Variants in RBM7 observed in about 807,000 individuals in gnomAD.
The protein encoded by RBM7 is RNA-binding protein 7.
In RBM7, 13 loss-of-function variants were observed where a neutral mutation model predicts 31.0. That is an observed-to-expected ratio of 0.42 (90% confidence interval 0.27 to 0.67). The LOEUF (loss-of-function observed/expected upper bound fraction) is 0.67. RBM7 is among the 30% of genes least tolerant of loss of function. The pLI is 0.24. For synonymous variants in RBM7, 106 were observed against 111.2 expected (o/e 0.95, Z 0.30); for missense variants, 245 against 326.2 (o/e 0.75, Z 1.92).
chr11:114,404,819 G>C (rs3863297), intron 3 of RBM7, among the ~76,000 whole-genome samples: 58,046 of 151,894 alleles, frequency 0.38, 11,384 homozygotes, highest in South Asian at 0.51. Context: ...TTGAAAAAAC[G>C]CAAAATTAAA....
chr11:114,400,821 T>C (rs1946188880), intron 1 of RBM7, 54 bp downstream of exon 1: 1 of 1,595,190 alleles, frequency 6.3e-7, no homozygotes, highest in Middle Eastern at 1.7e-4. Context: ...GCCTAGGGCC[T>C]GGCCAGCGGC....
Position 114,405,693 on chromosome 11 carries a change from G to A in RBM7, c.348-13G>A, listed in dbSNP as rs1209670070. On this transcript the variant is annotated splice_polypyrimidine_tract_variant and intron_variant, in intron 3 of 4. Coordinates refer to ENST00000375490, the MANE Select transcript of RBM7 (RefSeq NM_001286045.2). The stretch of plus-strand genomic sequence containing the variant: ...TTATTGAATGAATGGTTACATGTTG[G>A]TTTTCTTTTTAGCAGGTACGAAAGG... 12 of 1,534,372 alleles carry A rather than the reference G, an allele frequency of 7.8e-6. No individual in the cohort carries two copies. Among genetic ancestry groups the A allele is most frequent in the Non-Finnish European group, 1.1e-5 (12 of 1,130,594 alleles).
chr11:114,407,050 GT>G (rs1946274798), intron 4 of RBM7: 1 of 160,906 alleles, frequency 6.2e-6, no homozygotes, highest in Non-Finnish European at 1.4e-5. Flanking sequence ...TGTTATTTTT[GT>G]TTGTGCAATT....
chr11:114,402,173 C>T, intron 2 of RBM7: 1 of 230,786 alleles, frequency 4.3e-6, no homozygotes, highest in Non-Finnish European at 8.3e-6. Flanking sequence ...CTTCTCCTGG[C>T]TGCTTTGTAA....
Position 114,400,683 on chromosome 11 carries a change from G to T in RBM7, c.12G>T (p.Ala4=). The part of the protein sequence containing the change: MGA[A]AAEADRTLFV... ...GGGGCGACGCTGAGATGGGGGCGGC[G>T]GCGGCGGAAGCGGATCGCACTCTCT... is the stretch of plus-strand genomic sequence containing the variant. The change falls in exon 1 of 5, where the codon GCG becomes GCT. Residue 4 remains alanine (A), a synonymous_variant. Coordinates refer to ENST00000375490, the MANE Select transcript of RBM7 (RefSeq NM_001286045.2). 1.9e-6 allele frequency: 3 copies of T among 1,614,220 alleles called. No individual in the cohort carries two copies. Among genetic ancestry groups the T allele is most frequent in the Non-Finnish European group, 2.5e-6 (3 of 1,180,036 alleles).
chr11:114,407,405 A>T, intron 4 of RBM7, 40 bp from the exon 5 acceptor site: 1 of 1,564,476 alleles, frequency 6.4e-7, no homozygotes, highest in Non-Finnish European at 8.7e-7. Context: ...TAGCTTTGAT[A>T]TCTAGAAGTA....
rs1166554422 is a variant in RBM7, at chr11:114,410,080, T to A, written c.*2273T>A. Reference sequence around the variant, plus strand: ...CTGTATTGGCACTCAAAAAGTTTCATATTTTGGAGCATTTCAGATTTCAGA... The same window carrying A: ...CTGTATTGGCACTCAAAAAGTTTCAAATTTTGGAGCATTTCAGATTTCAGA... On this transcript the variant is annotated 3_prime_UTR_variant, in exon 5 of 5. Coordinates refer to ENST00000375490, the MANE Select transcript of RBM7 (RefSeq NM_001286045.2). 6.6e-6 allele frequency: 1 copy of A among 152,218 alleles called. No individual in the cohort carries two copies. The highest frequency in any genetic ancestry group is 2.4e-5 in the African/African-American group (1 of 41,454). 9.4% of individuals were successfully genotyped at this position (152,218 alleles called of 1,614,324 possible).
In RBM7 at chr11:114,407,553, C is replaced by T; in HGVS notation, c.550C>T (p.Gln184Ter). The T allele has an allele frequency of 1.2e-6, 2 of 1,614,190 alleles. No homozygotes were observed. Among genetic ancestry groups the T allele is most frequent in the Non-Finnish European group, 1.7e-6 (2 of 1,180,036 alleles). ...TCAATCACACAGTCATAGTTTCAAT[C>T]AGTCTTCAAGCTCCCAGTGGCGCCA... Reference protein sequence around the residue: ...SVQSHSHSFNQSSSSQWRQGT... With the variant: ...SVQSHSHSFN The change falls in exon 5 of 5, where the codon CAG becomes TAG. Residue 184 changes from glutamine (Q) to a stop codon, truncating the protein, a stop_gained. Coordinates refer to ENST00000375490, the MANE Select transcript of RBM7 (RefSeq NM_001286045.2). LOFTEE classifies it high-confidence loss of function.
chr11:114,408,006 A>G lies in RBM7; in HGVS notation c.*199A>G. 1 of 510,960 alleles carries G rather than the reference A, an allele frequency of 2.0e-6. No individual in the cohort carries two copies. Among genetic ancestry groups the G allele is most frequent in the Non-Finnish European group, 3.2e-6 (1 of 315,658 alleles). 31.7% of individuals were successfully genotyped at this position (510,960 alleles called of 1,614,324 possible). On this transcript the variant is annotated 3_prime_UTR_variant, in exon 5 of 5. Transcript: ENST00000375490. Reference sequence around the variant, plus strand: ...TAATAACCTTTCACCTCAGGGTTTTATGAAGAGGAAAGGGTTTTATGCAAA... The same window carrying G: ...TAATAACCTTTCACCTCAGGGTTTTGTGAAGAGGAAAGGGTTTTATGCAAA...
chr11:114,404,538 A>G (rs1264843193), intron 3 of RBM7, among the ~76,000 whole-genome samples: 2 of 152,184 alleles, frequency 1.3e-5, no homozygotes, highest in African/African-American at 4.8e-5. Flanking sequence ...TCCCTCTTAG[A>G]ATTTCTTGGG....
At chr11:114,403,791 C>T (rs1476789721) in intron 3 of RBM7, among the ~76,000 whole-genome samples, 3 of 152,128 alleles carry the variant, frequency 2.0e-5, no homozygotes, top group Non-Finnish European at 4.4e-5. Flanking sequence ...GATTCAAACC[C>T]AGGCAGTGTA....
rs937475586 is a variant in RBM7, at chr11:114,409,054, G to A, written c.*1247G>A. The A allele has an allele frequency of 4.0e-5, 6 of 151,708 alleles. No individual in the cohort carries two copies. Among genetic ancestry groups the A allele is most frequent in the African/African-American group, 1.5e-4 (6 of 41,254 alleles). The allele number at this position is 151,708 out of a possible 1,614,324, so 9.4% of individuals were successfully genotyped here. On this transcript the variant is annotated 3_prime_UTR_variant, in exon 5 of 5. Transcript: ENST00000375490. Reference sequence around the variant, plus strand: ...TTGAGCATCCTGAAATACATCTTTTGTACATATAGAGCATGATGTTTCACA... The same window carrying A: ...TTGAGCATCCTGAAATACATCTTTTATACATATAGAGCATGATGTTTCACA...
chr11:114,407,526 G>A lies in RBM7; in HGVS notation c.523G>A (p.Val175Ile), dbSNP rs1188042796. 3.1e-6 allele frequency: 5 copies of A among 1,614,082 alleles called. No individual in the cohort carries two copies. Among genetic ancestry groups the A allele is most frequent in the Non-Finnish European group, 4.2e-6 (5 of 1,180,036 alleles). Reference protein sequence around the residue: ...PLDQSGFSPSVQSHSHSFNQS... With the variant: ...PLDQSGFSPSIQSHSHSFNQS... ...GGATCAATCAGGATTTTCACCATCA[G>A]TTCAATCACACAGTCATAGTTTCAA... Residue 175 changes from valine to isoleucine, a missense_variant, in exon 5 of 5, where the codon GTT (valine) becomes ATT (isoleucine). Physicochemically the swap from Val to Ile is conservative, Grantham distance 29. Transcript: ENST00000375490.
Position 114,402,041 on chromosome 11 carries a change from A to T in RBM7, c.259+181A>T, listed in dbSNP as rs185137135. The T allele has an allele frequency of 3.1e-5, 18 of 571,772 alleles. No individual in the cohort carries two copies. The African/African-American group carries it at 3.4e-4, about 11-fold the overall frequency. The allele number at this position is 571,772 out of a possible 1,614,324, so 35.4% of individuals were successfully genotyped here. ...GGTAACATTGACACATGGATTTTGAAATTAGAATTTCAAAACTGAGCTTAA... is the reference window on the plus strand; with the variant it reads ...GGTAACATTGACACATGGATTTTGATATTAGAATTTCAAAACTGAGCTTAA... On this transcript the variant is annotated intron_variant, in intron 2 of 4. Coordinates refer to ENST00000375490, the MANE Select transcript of RBM7 (RefSeq NM_001286045.2).
chr11:114,401,725 C>G lies in RBM7; in HGVS notation c.124C>G (p.Pro42Ala). Residue 42 changes from proline (P) to alanine (A), a missense_variant, in exon 2 of 5, where the codon CCA becomes GCA. Pro to Ala is a conservative substitution (Grantham distance 27, BLOSUM62 -1). Coordinates refer to ENST00000375490, the MANE Select transcript of RBM7 (RefSeq NM_001286045.2). ...TGGGCCAGTAATAAAGGTGAAAATT[C>G]CAAAAGATAAGGATGGTAAACCAAA... is the stretch of plus-strand genomic sequence containing the variant. ...QAGPVIKVKI[P>A]KDKDGKPKQF... 1.3e-6 allele frequency: 2 copies of G among 1,548,476 alleles called. No homozygotes were observed. Among genetic ancestry groups the G allele is most frequent in the Non-Finnish European group, 1.7e-6 (2 of 1,155,498 alleles).
intron 4 of RBM7, 154 bp from the exon 5 acceptor site, chr11:114,407,291 T>G: frequency 1.5e-6 from 1 of 663,902 alleles, no homozygotes; most frequent in Non-Finnish European, 2.5e-6. Context: ...CTTGTAGGTA[T>G]ACATTGGAAT....
At position 114,409,005 on chromosome 11, in the gene RBM7, G is replaced by A. The variant is rs1245174941; in HGVS notation, c.*1198G>A. On this transcript the variant is annotated 3_prime_UTR_variant, in exon 5 of 5. Coordinates refer to ENST00000375490, the MANE Select transcript of RBM7 (RefSeq NM_001286045.2). ...TACTTTTATTCACTGATTGCCTGCT[G>A]TTTAGAATATCAGTTCTTTAATTTT... 1 of 151,812 alleles carries A rather than the reference G, an allele frequency of 6.6e-6. No homozygotes were observed. The highest frequency in any genetic ancestry group is 1.5e-5 in the Non-Finnish European group (1 of 67,940). 9.4% of individuals were successfully genotyped at this position (151,812 alleles called of 1,614,324 possible).
chr11:114,405,011 C>G (rs768620859), intron 3 of RBM7, among the ~76,000 whole-genome samples: 11 of 151,716 alleles, frequency 7.3e-5, no homozygotes, highest in Non-Finnish European at 5.9e-5. Context: ...AATTCCTTAC[C>G]TCCCAAAACC....
At chr11:114,405,647 T>G in intron 3 of RBM7, 59 bp from the exon 4 acceptor site, 1 of 1,206,206 alleles carries the variant, frequency 8.3e-7, no homozygotes, top group Non-Finnish European at 1.2e-6. Context: ...GTTCTGCTCA[T>G]GGTTGTTAGT....
Sources: gnomAD v4.1 joint callset for allele counts (sites outside exome capture counted in the v4.1 genomes callset) on GRCh38, gnomAD v4.1.1 for gene constraint, MANE v1.5 for transcripts, NCBI Gene and HGNC (gene_info 2026-07-23, HGNC 2026-07-21) for gene names.